The following DOCK4 variants were observed in gnomAD, a reference collection of about 807,000 sequenced individuals.
The protein encoded by DOCK4 is dedicator of cytokinesis 4, also known as dedicator of cytokinesis protein 4.
DOCK4 carries 97 observed loss-of-function variants against 268.1 expected under a neutral mutation model. The observed-to-expected ratio is 0.36, with a 90% CI of 0.31 to 0.43. DOCK4 has a LOEUF of 0.43. Among genes scored for constraint, DOCK4 ranks in the 20% least tolerant of loss-of-function variants. DOCK4 has a pLI of 1.00. For missense variants in DOCK4, 2,145 were observed against 2,455.7 expected (o/e 0.87, Z 2.67); for synonymous variants, 954 against 887.2 (o/e 1.08, Z -1.34).
intron 16 of DOCK4, among the ~76,000 whole-genome samples, chr7:111,892,232 C>T (rs1289049683): frequency 6.6e-6 from 1 of 152,122 alleles, no homozygotes; most frequent in Non-Finnish European, 1.5e-5. Flanking sequence ...CTGAGTTTTA[C>T]TCCTGTTGCC....
chr7:112,131,133 G>A (rs1813758404), intron 1 of DOCK4, among the ~76,000 whole-genome samples: 1 of 152,144 alleles, frequency 6.6e-6, no homozygotes, highest in African/African-American at 2.4e-5. Flanking sequence ...TAGTTTTTGA[G>A]GGGTCTTCTG....
In DOCK4 at chr7:111,895,694, A is replaced by G; in HGVS notation, c.1505T>C (p.Leu502Ser). The stretch of plus-strand genomic sequence containing the variant: ...CAGAGGGACAAAAGAAAACCCAAAC[A>G]ACTTCTTCTCTCCTTTCTCCTTTGC... ...CSTKEKGEKK[L>S]FGFSFVPLMQ... The change falls in exon 16 of 53, where the codon TTG becomes TCG. Residue 502 changes from leucine (L) to serine (S), a missense_variant. This residue lies in a region of DOCK4 where 1,598 missense variants were observed against 1,986.7 expected (regional missense o/e 0.80). Transcript: ENST00000428084. The G allele has an allele frequency of 6.2e-7, 1 of 1,613,944 alleles. No homozygotes were observed. Among genetic ancestry groups the G allele is most frequent in the Non-Finnish European group, 8.5e-7 (1 of 1,179,850 alleles).
chr7:112,036,008 G>C (rs565086869), intron 1 of DOCK4, among the ~76,000 whole-genome samples: 4 of 152,128 alleles, frequency 2.6e-5, no homozygotes, highest in African/African-American at 9.6e-5. Context: ...ATCTACTAGA[G>C]GGAGAAAGAC....
At chr7:112,186,919 G>T (rs1819531000) in intron 1 of DOCK4, among the ~76,000 whole-genome samples, 2 of 152,032 alleles carry the variant, frequency 1.3e-5, no homozygotes, top group African/African-American at 4.8e-5. Context: ...CAGCAAATAT[G>T]CCATGGCTAT....
At chr7:111,732,462 C>T (rs1297447354) in intron 51 of DOCK4, 175 bp from the exon 52 acceptor site, 5 of 634,490 alleles carry the variant, frequency 7.9e-6, no homozygotes, top group Non-Finnish European at 1.4e-5. Flanking sequence ...AGAATGGGTT[C>T]TCACAAAGGG....
chr7:111,811,264 T>C (rs1217512683), intron 28 of DOCK4, among the ~76,000 whole-genome samples: 2 of 152,192 alleles, frequency 1.3e-5, no homozygotes, highest in South Asian at 2.1e-4. Context: ...TAATATGAAA[T>C]ATGTTATTCA....
intron 8 of DOCK4, among the ~76,000 whole-genome samples, chr7:111,949,499 T>C (rs1795884054): frequency 6.6e-6 from 1 of 152,192 alleles, no homozygotes; most frequent in African/African-American, 2.4e-5. Flanking sequence ...TCAGAAAGAA[T>C]ATCAATATGT....
chr7:112,160,462 AT>A (rs1157282996), intron 1 of DOCK4, among the ~76,000 whole-genome samples: 1 of 152,172 alleles, frequency 6.6e-6, no homozygotes, highest in Non-Finnish European at 1.5e-5. Context: ...CTTGGGGCAA[AT>A]TTTCCCTGAA....
In DOCK4 at chr7:112,172,668, T is replaced by C. The variant is rs144839774; in HGVS notation, c.37+33434A>G. On this transcript the variant is annotated intron_variant, in intron 1 of 52. Transcript: ENST00000428084. ...GCAATAGAAATAAATTCATGAACAG[T>C]ATGTCATTATATGGAAAAACCATAA... Among the ~76,000 whole-genome samples the C allele has an allele frequency of 2.7e-3, 414 of 152,342 alleles. 2 individuals carry two copies. Among genetic ancestry groups the C allele is most frequent in the African/African-American group, 9.1e-3 (378 of 41,576 alleles).
intron 24 of DOCK4, among the ~76,000 whole-genome samples, chr7:111,846,533 T>C (rs1051997135): frequency 6.6e-6 from 1 of 152,204 alleles, no homozygotes; most frequent in African/African-American, 2.4e-5. Flanking sequence ...GTAATGGTTA[T>C]ACTGTAAGAT....
intron 1 of DOCK4, among the ~76,000 whole-genome samples, chr7:112,089,803 C>T (rs938781534): frequency 2.6e-5 from 4 of 152,126 alleles, no homozygotes; most frequent in African/African-American, 9.7e-5. Context: ...ATGAAAGTTT[C>T]CTGAGGACTC....
At chr7:111,806,701 A>C (rs943876102) in intron 30 of DOCK4, among the ~76,000 whole-genome samples, 1 of 152,210 alleles carries the variant, frequency 6.6e-6, no homozygotes, top group African/African-American at 2.4e-5. Context: ...AAAACTTGCT[A>C]AAACAGACTG....
chr7:112,082,759 C>T (rs2894634), intron 1 of DOCK4, among the ~76,000 whole-genome samples: 54,310 of 151,928 alleles, frequency 0.36, 9,898 homozygotes, highest in Non-Finnish European at 0.39. Flanking sequence ...ATACTAATCA[C>T]CACAGTACTT....
In DOCK4 at chr7:111,727,853, T is replaced by TA. The variant is rs1794749992; in HGVS notation, c.*420dup. ...CCTTATTTACAGAAGTCTTCTAAAA[T>TA]AAGGACCACTGTGTTAGGATGTGCA... On this transcript the variant is annotated 3_prime_UTR_variant, in exon 53 of 53. Transcript: ENST00000428084. 6.4e-6 allele frequency: 1 copy of TA among 156,626 alleles called. No individual in the cohort carries two copies. The highest frequency in any genetic ancestry group is 2.4e-5 in the African/African-American group (1 of 41,670). The allele number at this position is 156,626 out of a possible 1,614,324, so 9.7% of individuals were successfully genotyped here.
chr7:111,817,706 T>C (rs1386726618), intron 27 of DOCK4, among the ~76,000 whole-genome samples: 1 of 152,192 alleles, frequency 6.6e-6, no homozygotes, highest in South Asian at 2.1e-4. Context: ...TTAGCACCAA[T>C]ATTTCTGTCT....
chr7:111,788,695 C>T lies in DOCK4; in HGVS notation c.3368G>A (p.Gly1123Asp). ...KLDSLMSEGK[G>D]DETYRELFNS... ...GAAGAGCTCGCGGTATGTTTCGTCA[C>T]CTTTGCCTTCTGACATCAGGCTATC... The change falls in exon 32 of 53, where the codon GGT becomes GAT. Residue 1123 changes from glycine to aspartate, a missense_variant. By Grantham distance (94) the Gly-to-Asp change is moderately conservative (BLOSUM62 -1). Coordinates refer to ENST00000428084, the MANE Select transcript of DOCK4 (RefSeq NM_001363540.2). 3.1e-6 allele frequency: 5 copies of T among 1,593,132 alleles called. No individual in the cohort carries two copies. Among genetic ancestry groups the T allele is most frequent in the Non-Finnish European group, 4.3e-6 (5 of 1,168,480 alleles).
intron 1 of DOCK4, among the ~76,000 whole-genome samples, chr7:112,097,186 A>G (rs1810223815): frequency 6.6e-6 from 1 of 152,204 alleles, no homozygotes; most frequent in African/African-American, 2.4e-5. Flanking sequence ...AAGGATTTTT[A>G]AACTTCCTTG....
chr7:111,903,258 G>C (rs1791293431), intron 13 of DOCK4, among the ~76,000 whole-genome samples: 1 of 152,120 alleles, frequency 6.6e-6, no homozygotes, highest in Non-Finnish European at 1.5e-5. Context: ...AAGGATACAG[G>C]TGGGCCATAA....
intron 25 of DOCK4, among the ~76,000 whole-genome samples, chr7:111,843,302 GAAA>G: frequency 6.6e-6 from 1 of 151,990 alleles, no homozygotes; most frequent in Non-Finnish European, 1.5e-5. Context: ...TTAAGAGGAT[GAAA>G]AAACAAGCTA....
Sources: allele counts gnomAD v4.1 joint callset (sites outside exome capture counted in the v4.1 genomes callset), GRCh38; gene constraint gnomAD v4.1.1; regional missense constraint gnomAD v4.1.1; transcripts MANE v1.5; gene names NCBI Gene and HGNC (gene_info 2026-07-23, HGNC 2026-07-21).